ADAMTSL1: variants seen among roughly 807,000 people sequenced by gnomAD.
ADAMTSL1 encodes the protein ADAMTS-like protein 1.
Under a neutral mutation model 201.8 loss-of-function variants are expected in ADAMTSL1, and 126 were observed. The observed-to-expected ratio is 0.62, with a 90% CI of 0.54 to 0.72. ADAMTSL1 has a LOEUF of 0.72. Ranked by LOEUF, ADAMTSL1 falls within the 30% of genes least tolerant of loss-of-function variation. The probability of loss-of-function intolerance (pLI) is 0.00; values close to 1 mark genes in which losing one functional copy is unlikely to be tolerated. For missense variants in ADAMTSL1, 2,679 were observed against 2,277.8 expected, an observed-to-expected ratio of 1.18 and a Z score of -3.59; for synonymous variants, 1,121 against 903.4, an observed-to-expected ratio of 1.24 and a Z score of -4.32.
At chr9:18,501,685 T>C (rs1049585628) in intron 1 of ADAMTSL1, among the ~76,000 whole-genome samples, 3 of 152,222 alleles carry the variant, frequency 2.0e-5, no homozygotes, top group African/African-American at 4.8e-5. Flanking sequence ...GATGTAAATG[T>C]CTGGCACAGT....
At chr9:17,955,818 G>A (rs979572901) in intron 1 of ADAMTSL1, among the ~76,000 whole-genome samples, 6 of 152,168 alleles carry the variant, frequency 3.9e-5, no homozygotes, top group East Asian at 1.9e-4. Context: ...TAGGAAAAAC[G>A]TAGCGTATAT....
chr9:18,717,081 G>C (rs1033078519), intron 14 of ADAMTSL1, among the ~76,000 whole-genome samples: 5 of 143,528 alleles, frequency 3.5e-5, no homozygotes, highest in Middle Eastern at 3.5e-3. Context: ...TCTGGGGACT[G>C]TGGTGGGGTG....
intron 1 of ADAMTSL1, among the ~76,000 whole-genome samples, chr9:18,127,290 C>T (rs1489149378): frequency 6.6e-6 from 1 of 152,092 alleles, no homozygotes; most frequent in Non-Finnish European, 1.5e-5. Flanking sequence ...ACTACCTAGA[C>T]CACCTGATGG....
chr9:18,369,339 ATTG>A (rs1586991134), intron 2 of ADAMTSL1, among the ~76,000 whole-genome samples: 2 of 152,322 alleles, frequency 1.3e-5, no homozygotes, highest in East Asian at 3.9e-4. Context: ...ATATCATATG[ATTG>A]TTGTTAATTC....
At chr9:18,154,462 G>C (rs551930526) in intron 1 of ADAMTSL1, among the ~76,000 whole-genome samples, 146 of 152,124 alleles carry the variant, frequency 9.6e-4, no homozygotes, top group Non-Finnish European at 1.7e-3. Context: ...TGGAACATCT[G>C]AGTCTGTGTG....
rs544563989 is a variant in ADAMTSL1, at chr9:18,523,766, A to G, written c.192-9481A>G. ...CAGATAGTTGTAGATATGCGGCGTT[A>G]TTTCTGAGGGCTCTGTTCTGTTCCA... On this transcript the variant is annotated intron_variant, in intron 2 of 28. Transcript: ENST00000380548. 6.5e-3 allele frequency among the ~76,000 whole-genome samples: 904 copies of G among 139,812 alleles called. 4 individuals are homozygous for G. The highest frequency in any genetic ancestry group is 0.012 in the South Asian group (50 of 4,198). The allele number at this position is 139,812 out of a possible 152,430, so 91.7% of individuals were successfully genotyped here.
At chr9:18,721,295 G>T (rs573394035) in intron 14 of ADAMTSL1, among the ~76,000 whole-genome samples, 1 of 152,244 alleles carries the variant, frequency 6.6e-6, no homozygotes, top group South Asian at 2.1e-4. Flanking sequence ...TCTCTTCTGT[G>T]GGGGAGTTGC....
At chr9:18,682,735 T>TA (rs986416992) in intron 12 of ADAMTSL1, among the ~76,000 whole-genome samples, 12 of 152,180 alleles carry the variant, frequency 7.9e-5, no homozygotes, top group Non-Finnish European at 1.5e-4. Flanking sequence ...TTTAAGCCAT[T>TA]AAATTTCTCT....
At chr9:18,120,769 C>T (rs1825462197) in intron 1 of ADAMTSL1, among the ~76,000 whole-genome samples, 1 of 152,078 alleles carries the variant, frequency 6.6e-6, no homozygotes, top group South Asian at 2.1e-4. Flanking sequence ...GTTTAAGAAG[C>T]ATCAGTGTAA....
intron 2 of ADAMTSL1, among the ~76,000 whole-genome samples, chr9:18,304,765 T>G (rs1833843121): frequency 6.6e-6 from 1 of 152,188 alleles, no homozygotes; most frequent in Non-Finnish European, 1.5e-5. Context: ...TGAGGCATAT[T>G]CCATAACTCA....
At chr9:18,557,895 C>T (rs1034172373) in intron 3 of ADAMTSL1, among the ~76,000 whole-genome samples, 2 of 151,912 alleles carry the variant, frequency 1.3e-5, no homozygotes, top group Non-Finnish European at 2.9e-5. Flanking sequence ...ATTTTATTCC[C>T]TGTTGCCTGG....
At chr9:18,060,369 A>G (rs748396361) in intron 1 of ADAMTSL1, among the ~76,000 whole-genome samples, 1 of 152,166 alleles carries the variant, frequency 6.6e-6, no homozygotes, top group African/African-American at 2.4e-5. Flanking sequence ...GATAAGCTGT[A>G]AAACAACCCT....
chr9:18,555,502 A>T (rs567323246), intron 3 of ADAMTSL1, among the ~76,000 whole-genome samples: 3 of 152,072 alleles, frequency 2.0e-5, no homozygotes, highest in Admixed American at 2.0e-4. Context: ...TCATTCCTTG[A>T]TGAATGTTAT....
At chr9:18,687,477 C>T (rs1830907336) in intron 13 of ADAMTSL1, among the ~76,000 whole-genome samples, 1 of 152,226 alleles carries the variant, frequency 6.6e-6, no homozygotes, top group Non-Finnish European at 1.5e-5. Flanking sequence ...TGAACTGCTA[C>T]AGTGAGGCAA....
At chr9:18,903,143 T>C (rs1830104735) in intron 26 of ADAMTSL1, among the ~76,000 whole-genome samples, 1 of 152,080 alleles carries the variant, frequency 6.6e-6, no homozygotes. Context: ...AGGTGGAAGT[T>C]GCAGTGAGCA....
intron 1 of ADAMTSL1, among the ~76,000 whole-genome samples, chr9:17,989,199 C>T (rs1588531913): frequency 6.6e-6 from 1 of 151,830 alleles, no homozygotes; most frequent in Non-Finnish European, 1.5e-5. Context: ...AGCTCATCTA[C>T]CGAGACAGTC....
chr9:18,709,332 C>A (rs521546), intron 14 of ADAMTSL1, among the ~76,000 whole-genome samples: 125,516 of 152,192 alleles, frequency 0.82, 52,015 homozygotes, highest in Admixed American at 0.89. Context: ...ACCAAAATGT[C>A]ACCCACAAGG....
At chr9:18,535,315 T>G (rs943028706) in intron 3 of ADAMTSL1, among the ~76,000 whole-genome samples, 2 of 152,226 alleles carry the variant, frequency 1.3e-5, no homozygotes, top group African/African-American at 4.8e-5. Flanking sequence ...TTTCTCCATC[T>G]GAGACCACCC....
At chr9:18,109,563 C>T (rs1408925935) in intron 1 of ADAMTSL1, among the ~76,000 whole-genome samples, 1 of 152,122 alleles carries the variant, frequency 6.6e-6, no homozygotes, top group Non-Finnish European at 1.5e-5. Context: ...GTCTTTTGAC[C>T]ATTTCTTTGA....
Sources: allele counts gnomAD v4.1 joint callset (sites outside exome capture counted in the v4.1 genomes callset), GRCh38; gene constraint gnomAD v4.1.1; transcripts MANE v1.5; gene names NCBI Gene and HGNC (gene_info 2026-07-23, HGNC 2026-07-21).